STUM: variants seen among roughly 807,000 people sequenced by gnomAD.
The protein encoded by STUM is protein stum homolog.
Under a neutral mutation model 15.3 loss-of-function variants are expected in STUM, and 8 were observed. That is an observed-to-expected ratio of 0.52 (90% CI 0.31 to 0.94). The LOEUF is 0.94. STUM is among the 40% of genes least tolerant of loss of function. STUM has a pLI of 0.05. For synonymous variants in STUM, 78 were observed against 88.7 expected (o/e 0.88, Z 0.68); for missense variants, 142 against 204.9 (o/e 0.69, Z 1.87).
At chr1:226,556,675 G>A (rs915645083) in intron 1 of STUM, among the ~76,000 whole-genome samples, 7 of 152,156 alleles carry the variant, frequency 4.6e-5, no homozygotes, top group African/African-American at 1.7e-4. Context: ...CCTTGAGCAG[G>A]TCACTTAGCC....
chr1:226,590,779 G>T (rs914274595), intron 1 of STUM, among the ~76,000 whole-genome samples: 2 of 152,216 alleles, frequency 1.3e-5, no homozygotes, highest in Admixed American at 1.3e-4. Context: ...CAGATGGCCA[G>T]GACGGCCTGT....
chr1:226,558,201 T>C (rs1459317427), intron 1 of STUM, among the ~76,000 whole-genome samples: 2 of 152,214 alleles, frequency 1.3e-5, no homozygotes, highest in Admixed American at 6.5e-5. Context: ...TTGTCATTGC[T>C]GATGACATAA....
At chr1:226,556,166 G>A (rs189268915) in intron 1 of STUM, among the ~76,000 whole-genome samples, 2 of 152,276 alleles carry the variant, frequency 1.3e-5, no homozygotes, top group Non-Finnish European at 2.9e-5. Context: ...AGCTGCCATG[G>A]GAGTGGTCAG....
chr1:226,568,905 C>CA (rs1667663589), intron 1 of STUM, among the ~76,000 whole-genome samples: 1 of 150,184 alleles, frequency 6.7e-6, no homozygotes, highest in African/African-American at 2.5e-5. Context: ...ACGCCGACCA[C>CA]ACTGTTAAGA....
At chr1:226,556,797 G>A (rs374999994) in intron 1 of STUM, among the ~76,000 whole-genome samples, 13 of 152,248 alleles carry the variant, frequency 8.5e-5, no homozygotes, top group African/African-American at 2.6e-4. Flanking sequence ...GTCAGAACAG[G>A]TTATTGTTAC....
chr1:226,577,829 G>C (rs1667844957), intron 1 of STUM, among the ~76,000 whole-genome samples: 1 of 152,130 alleles, frequency 6.6e-6, no homozygotes, highest in Admixed American at 6.6e-5. Context: ...TTGTTCTATG[G>C]GATGAAGGAG....
chr1:226,560,500 A>G (rs1192645551), intron 1 of STUM, among the ~76,000 whole-genome samples: 1 of 152,204 alleles, frequency 6.6e-6, no homozygotes, highest in Non-Finnish European at 1.5e-5. Flanking sequence ...TTTCATTTGA[A>G]AAAGAAGCAT....
chr1:226,574,524 C>T (rs1450445363), intron 1 of STUM, among the ~76,000 whole-genome samples: 2 of 152,204 alleles, frequency 1.3e-5, no homozygotes, highest in Admixed American at 6.5e-5. Flanking sequence ...ATCACTGTGA[C>T]AGGGCAATGA....
chr1:226,579,695 C>G (rs1274885762), intron 1 of STUM, among the ~76,000 whole-genome samples: 1 of 148,708 alleles, frequency 6.7e-6, no homozygotes, highest in Non-Finnish European at 1.5e-5. Flanking sequence ...GTGGTGCAAT[C>G]ATAGTTCACT....
chr1:226,589,433 C>A (rs1307027757), intron 1 of STUM, among the ~76,000 whole-genome samples: 1 of 152,190 alleles, frequency 6.6e-6, no homozygotes, highest in Non-Finnish European at 1.5e-5. Context: ...TCCCTACTGC[C>A]TTGTCTTGGA....
chr1:226,569,443 G>C (rs1667671934), intron 1 of STUM, among the ~76,000 whole-genome samples: 1 of 151,896 alleles, frequency 6.6e-6, no homozygotes. Context: ...CACCTCCATG[G>C]CTGGTACAAT....
chr1:226,570,733 T>C (rs1409682877), intron 1 of STUM, among the ~76,000 whole-genome samples: 6 of 152,216 alleles, frequency 3.9e-5, no homozygotes, highest in Non-Finnish European at 8.8e-5. Flanking sequence ...GGGTGAGGGC[T>C]GAACCTGGGA....
rs1667617984 is a variant in STUM at position 226,565,919 on chromosome 1, ATTGCTTGTGCC to A, written c.202+16815_202+16825del. On this transcript the variant is annotated intron_variant, in intron 1 of 3. Coordinates refer to ENST00000366788, the MANE Select transcript of STUM (RefSeq NM_001003665.4). The surrounding 1 kb of genome is among the most constrained non-coding windows in gnomAD (Gnocchi z 4.4). ...GGAAGGTGCAACAGCTGCCCAGCCC[ATTGCTTGTGCC>A]TGGGCTTACCAGCGATTCCTCCTTA... 2.0e-5 allele frequency among the ~76,000 whole-genome samples: 3 copies of A among 152,128 alleles called. No homozygotes were observed. Among genetic ancestry groups the A allele is most frequent in the African/African-American group, 7.2e-5 (3 of 41,414 alleles).
intron 1 of STUM, among the ~76,000 whole-genome samples, chr1:226,579,577 G>A (rs1161030878): frequency 2.0e-5 from 3 of 152,110 alleles, no homozygotes; most frequent in African/African-American, 4.8e-5. Flanking sequence ...CTCACTGGCC[G>A]AGAAAGAGTT....
chr1:226,558,607 G>A (rs139292935), intron 1 of STUM, among the ~76,000 whole-genome samples: 2 of 152,172 alleles, frequency 1.3e-5, no homozygotes, highest in Non-Finnish European at 2.9e-5. Context: ...CGAGGGATGC[G>A]TCTCTGAGGC....
chr1:226,596,123 C>T (rs944585533), intron 1 of STUM, among the ~76,000 whole-genome samples: 4 of 152,206 alleles, frequency 2.6e-5, no homozygotes, highest in African/African-American at 9.7e-5. Context: ...GCACCCACCA[C>T]GTTGCTTGGC....
chr1:226,559,307 G>A (rs1423099670), intron 1 of STUM, among the ~76,000 whole-genome samples: 1 of 152,128 alleles, frequency 6.6e-6, no homozygotes, highest in Admixed American at 6.5e-5. Flanking sequence ...AACTTTCCAA[G>A]GGCCAAAGAA....
chr1:226,592,329 G>A (rs1015091828), intron 1 of STUM, among the ~76,000 whole-genome samples: 3 of 152,194 alleles, frequency 2.0e-5, no homozygotes, highest in Admixed American at 6.5e-5. Flanking sequence ...GATTACAGGC[G>A]TGAGCCACCA....
At chr1:226,586,675 C>G (rs1035194075) in intron 1 of STUM, among the ~76,000 whole-genome samples, 1 of 152,152 alleles carries the variant, frequency 6.6e-6, no homozygotes, top group Non-Finnish European at 1.5e-5. Context: ...GGCAGAACCC[C>G]TCTCGGTTTT....
Sources: gnomAD v4.1 joint callset for allele counts (sites outside exome capture counted in the v4.1 genomes callset) on GRCh38, gnomAD v4.1.1 for gene constraint, Gnocchi (gnomAD v3.1) non-coding constraint, MANE v1.5 for transcripts, NCBI Gene and HGNC (gene_info 2026-07-23, HGNC 2026-07-21) for gene names.